SLC6A12: variants seen among roughly 807,000 people sequenced by gnomAD.
SLC6A12 encodes the protein sodium- and chloride-dependent betaine transporter.
In SLC6A12, 50 loss-of-function variants were observed where a neutral mutation model predicts 73.3. The observed-to-expected ratio is 0.68, with a 90% CI of 0.54 to 0.86. SLC6A12 has a LOEUF of 0.86. SLC6A12 is among the 40% of genes least tolerant of loss of function. SLC6A12 has a pLI of 0.00. For synonymous variants in SLC6A12, 304 were observed against 309.2 expected (o/e 0.98, Z 0.18); for missense variants, 648 against 772.8 (o/e 0.84, Z 1.92).
intron 11 of SLC6A12, among the ~76,000 whole-genome samples, chr12:196,469 G>T (rs911295587): frequency 2.6e-5 from 4 of 152,216 alleles, no homozygotes; most frequent in Non-Finnish European, 5.9e-5. Flanking sequence ...GAGGGTTAGA[G>T]GGGGGTATGT....
At chr12:192,880 G>C (rs1456600907) in intron 14 of SLC6A12, among the ~76,000 whole-genome samples, 1 of 146,302 alleles carries the variant, frequency 6.8e-6, no homozygotes, top group African/African-American at 2.5e-5. Flanking sequence ...TCACATCACA[G>C]ACGGAGACAG....
intron 15 of SLC6A12, among the ~76,000 whole-genome samples, chr12:191,511 ATAG>A (rs1430248203): frequency 1.3e-5 from 2 of 152,220 alleles, no homozygotes; most frequent in Admixed American, 6.5e-5. Flanking sequence ...ATTGAGAATA[ATAG>A]TAGAATGCAC....
chr12:192,104 T>C (rs1412688954), intron 15 of SLC6A12, among the ~76,000 whole-genome samples: 2 of 152,186 alleles, frequency 1.3e-5, no homozygotes, highest in East Asian at 3.8e-4. Context: ...TGAACTGTGC[T>C]TGCTGGTTAT....
chr12:201,442 A>C (rs1940259427), intron 6 of SLC6A12: 1 of 315,424 alleles, frequency 3.2e-6, no homozygotes, highest in Admixed American at 4.4e-5. Context: ...GGGAAGAGAC[A>C]TGCACACTCA....
chr12:188,869 C>G (rs1014745889), downstream of SLC6A12, among the ~76,000 whole-genome samples: 4 of 147,854 alleles, frequency 2.7e-5, no homozygotes, highest in Middle Eastern at 3.2e-3. Context: ...CCTCCCCGTT[C>G]CCTCCATCCC....
chr12:212,391 G>A (rs1053186608), intron 1 of SLC6A12, among the ~76,000 whole-genome samples: 1 of 152,182 alleles, frequency 6.6e-6, no homozygotes, highest in Non-Finnish European at 1.5e-5. Flanking sequence ...AAGCCGGAGG[G>A]GCGCAGGGGC....
downstream of SLC6A12, among the ~76,000 whole-genome samples, chr12:185,556 G>A (rs1027037515): frequency 8.5e-5 from 13 of 152,204 alleles, no homozygotes; most frequent in Non-Finnish European, 1.3e-4. Context: ...CAGAAGTTCC[G>A]GCTAGACTCT....
downstream of SLC6A12, among the ~76,000 whole-genome samples, chr12:187,589 CAAAAAAAAAAAAAAAAAAAAAAAAAA>C (rs761187495): frequency 0.017 from 1,824 of 106,074 alleles, 59 homozygotes; most frequent in African/African-American, 0.048. Flanking sequence ...TGCAAAAGAG[CAAAAAAAAAAAAAAAAAAAAAAAAAA>C]AAAAAAAAAA....
chr12:195,398 G>T, intron 12 of SLC6A12, 71 bp from the exon 13 acceptor site: 1 of 991,002 alleles, frequency 1.0e-6, no homozygotes, highest in Non-Finnish European at 1.6e-6. Context: ...TCAGTGAGAT[G>T]GCAAATGCCC....
At chr12:187,392 G>T (rs550512799), downstream of SLC6A12, among the ~76,000 whole-genome samples, 2 of 151,804 alleles carry the variant, frequency 1.3e-5, no homozygotes, top group African/African-American at 4.8e-5. Flanking sequence ...CACCAGCTCC[G>T]GAGTGAAACT....
At chr12:192,713 G>A (rs568283919) in intron 14 of SLC6A12, 65 bp from the exon 15 acceptor site, 70 of 1,488,528 alleles carry the variant, frequency 4.7e-5, no homozygotes, top group Non-Finnish European at 5.2e-5. Flanking sequence ...CCGCAGCTAC[G>A]TACAGCCAAG....
chr12:192,578 C>G lies in SLC6A12; in HGVS notation c.1601G>C (p.Trp534Ser). The change falls in exon 15 of 16, where the codon TGG becomes TCG. Residue 534 changes from tryptophan to serine, a missense_variant. Transcript: ENST00000684302. ...KYNNVYVYPPWGYSIGWFLAL... is the reference protein window; with the variant it reads ...KYNNVYVYPPSGYSIGWFLAL... ...CAGGAACCAGCCAATGGAGTATCCC[C>G]AGGGCGGGTACACATAGACGTTGTT... 1.2e-6 allele frequency: 2 copies of G among 1,614,054 alleles called. No homozygotes were observed.
intron 2 of SLC6A12, 68 bp from the exon 3 acceptor site, chr12:210,111 G>T: frequency 4.8e-6 from 7 of 1,456,772 alleles, no homozygotes; most frequent in Non-Finnish European, 6.4e-6. Flanking sequence ...TTCCCATCCC[G>T]ATCTCCGCTG....
chr12:185,959 T>C (rs1341775506), downstream of SLC6A12, among the ~76,000 whole-genome samples: 1 of 152,176 alleles, frequency 6.6e-6, no homozygotes, highest in Non-Finnish European at 1.5e-5. Context: ...GTTACTTCAC[T>C]GAGCAGCAGA....
chr12:186,423 G>T (rs116193589), downstream of SLC6A12, among the ~76,000 whole-genome samples: 1 of 152,206 alleles, frequency 6.6e-6, no homozygotes, highest in Non-Finnish European at 1.5e-5. Context: ...CAAAGCTTAC[G>T]GCTTAAAACA....
rs1941011431 is a variant in SLC6A12 at position 214,099 on chromosome 12, CAG to C, written c.-322_-321del. 6.6e-6 allele frequency: 1 copy of C among 152,584 alleles called. No homozygotes were observed. The highest frequency in any genetic ancestry group is 1.5e-5 in the Non-Finnish European group (1 of 68,338). 9.5% of individuals were successfully genotyped at this position (152,584 alleles called of 1,614,324 possible). On this transcript the variant is annotated 5_prime_UTR_variant, in exon 1 of 16. Transcript: ENST00000684302. This position sits in a 1 kb window ranked among gnomAD's most constrained non-coding sequence, Gnocchi z 4.2. ...AGCGCAGAATCCCATGTGACTTGTC[CAG>C]GGACTCCCAGACAGAAAGAAGCCGT...
intron 4 of SLC6A12, 83 bp downstream of exon 4, chr12:204,481 G>T (rs140145673): frequency 6.8e-6 from 9 of 1,333,250 alleles, no homozygotes; most frequent in Non-Finnish European, 9.6e-6. Context: ...GTGAAGCAGC[G>T]GATGGGTAGG....
chr12:199,251 G>A (rs79608416), intron 7 of SLC6A12, among the ~76,000 whole-genome samples: 4,037 of 152,272 alleles, frequency 0.027, 133 homozygotes, highest in South Asian at 0.15. Context: ...CAACATGTAC[G>A]TATGTGCATA....
At chr12:186,443 A>G (rs1209249853), downstream of SLC6A12, among the ~76,000 whole-genome samples, 1 of 152,106 alleles carries the variant, frequency 6.6e-6, no homozygotes, top group African/African-American at 2.4e-5. Flanking sequence ...AACCATATGC[A>G]TTTCTCACCT....
Sources: gnomAD v4.1 joint callset for allele counts (sites outside exome capture counted in the v4.1 genomes callset) on GRCh38, gnomAD v4.1.1 for gene constraint, Gnocchi (gnomAD v3.1) non-coding constraint, MANE v1.5 for transcripts, NCBI Gene and HGNC (gene_info 2026-07-23, HGNC 2026-07-21) for gene names.